RBFOX1: variants seen among roughly 807,000 people sequenced by gnomAD.
The protein encoded by RBFOX1 is RNA binding fox-1 homolog 1.
RBFOX1 carries 8 observed loss-of-function variants against 57.7 expected under a neutral mutation model. The ratio of observed to expected loss-of-function variants is 0.14; its 90% confidence interval spans 0.08 to 0.25. The LOEUF is 0.25. Ranked by LOEUF, RBFOX1 falls within the 10% of genes least tolerant of loss-of-function variation. The pLI is 1.00. For synonymous variants in RBFOX1, 326 were observed against 222.4 expected (o/e 1.47, Z -4.15); for missense variants, 611 against 548.5 (o/e 1.11, Z -1.14).
chr16:5,747,794 C>G (rs374586854), intron 3 of RBFOX1, among the ~76,000 whole-genome samples: 2 of 152,154 alleles, frequency 1.3e-5, no homozygotes, highest in African/African-American at 4.8e-5. Context: ...TGCTAGTGGT[C>G]TATCAATTTT....
At chr16:5,368,380 G>A (rs1239750433) in intron 1 of RBFOX1, among the ~76,000 whole-genome samples, 3 of 152,124 alleles carry the variant, frequency 2.0e-5, no homozygotes, top group Admixed American at 6.5e-5. Flanking sequence ...CTGCAATGTC[G>A]GGGCACCTAA....
chr16:7,312,001 C>G (rs1346870398), intron 4 of RBFOX1, among the ~76,000 whole-genome samples: 3 of 152,166 alleles, frequency 2.0e-5, no homozygotes, highest in African/African-American at 7.2e-5. Context: ...TCATACTGTT[C>G]TTTGTGATAT....
intron 4 of RBFOX1, among the ~76,000 whole-genome samples, chr16:7,096,819 C>G (rs1283009550): frequency 6.7e-6 from 1 of 150,104 alleles, no homozygotes; most frequent in Non-Finnish European, 1.5e-5. Context: ...GTAATCCCAG[C>G]TACGTAGGGG....
At chr16:6,921,807 C>T (rs1460186299) in intron 3 of RBFOX1, among the ~76,000 whole-genome samples, 1 of 151,850 alleles carries the variant, frequency 6.6e-6, no homozygotes, top group African/African-American at 2.4e-5. Context: ...TGAACATAAT[C>T]ACCATGTAAC....
chr16:7,587,094 C>G (rs932042753), intron 6 of RBFOX1, among the ~76,000 whole-genome samples, 153 bp from the exon 7 acceptor site: 1 of 152,112 alleles, frequency 6.6e-6, no homozygotes. Flanking sequence ...GTTTTATTTT[C>G]TCTTGTTTCA....
At chr16:6,862,829 AC>A (rs1250095417) in intron 3 of RBFOX1, among the ~76,000 whole-genome samples, 20 of 152,084 alleles carry the variant, frequency 1.3e-4, no homozygotes, top group Non-Finnish European at 2.6e-4. Context: ...TACTAAAAAT[AC>A]AAAAATTAGC....
intron 3 of RBFOX1, among the ~76,000 whole-genome samples, chr16:7,032,670 C>G (rs376712711): frequency 3.9e-5 from 6 of 152,096 alleles, no homozygotes; most frequent in African/African-American, 2.4e-5. Flanking sequence ...AGACGATAAT[C>G]TCTAATAATT....
At position 6,804,944 on chromosome 16, in the gene RBFOX1, G is replaced by A. The variant is rs114215943; in HGVS notation, c.-16+150294G>A. 3.5e-3 allele frequency among the ~76,000 whole-genome samples: 530 copies of A among 152,254 alleles called. 7 individuals carry two copies. Among genetic ancestry groups the A allele is most frequent in the African/African-American group, 0.012 (489 of 41,556 alleles). On this transcript the variant is annotated intron_variant, in intron 3 of 15. Transcript: ENST00000550418. ...AAAGACTTCTCATATGCTGTTGGTCGGAGTGTAAATTAGTTCATTGTGAAA... is the reference window on the plus strand; with the variant it reads ...AAAGACTTCTCATATGCTGTTGGTCAGAGTGTAAATTAGTTCATTGTGAAA...
At chr16:5,329,389 C>T (rs2151270356) in intron 1 of RBFOX1, among the ~76,000 whole-genome samples, 1 of 152,150 alleles carries the variant, frequency 6.6e-6, no homozygotes, top group Non-Finnish European at 1.5e-5. Flanking sequence ...AGGGACTACC[C>T]ACTTTTAAAT....
chr16:7,160,353 A>G (rs930868856), intron 4 of RBFOX1, among the ~76,000 whole-genome samples: 10 of 152,182 alleles, frequency 6.6e-5, no homozygotes, highest in African/African-American at 2.2e-4. Context: ...TGAAAAAGTA[A>G]ACGAATAAAC....
chr16:6,712,318 T>C (rs947924525), intron 3 of RBFOX1, among the ~76,000 whole-genome samples: 1 of 152,166 alleles, frequency 6.6e-6, no homozygotes, highest in African/African-American at 2.4e-5. Flanking sequence ...GTCTGCCAAA[T>C]ACCCATTTGC....
intron 3 of RBFOX1, among the ~76,000 whole-genome samples, chr16:6,656,623 C>CAT (rs2098654804): frequency 6.6e-6 from 1 of 151,494 alleles, no homozygotes; most frequent in African/African-American, 2.4e-5. Context: ...CACACACACA[C>CAT]ACACACACTT....
chr16:6,656,324 C>G (rs983314489), intron 3 of RBFOX1, among the ~76,000 whole-genome samples: 12 of 152,086 alleles, frequency 7.9e-5, no homozygotes, highest in Non-Finnish European at 1.5e-4. Context: ...AATTTAATTG[C>G]CAATAGTGCT....
chr16:7,056,264 C>A (rs188208321), intron 4 of RBFOX1, among the ~76,000 whole-genome samples: 1 of 152,298 alleles, frequency 6.6e-6, no homozygotes, highest in East Asian at 1.9e-4. Context: ...TTACATCGCT[C>A]GGTTGTTACG....
intron 1 of RBFOX1, among the ~76,000 whole-genome samples, chr16:6,209,864 C>T (rs1198954376): frequency 3.3e-5 from 5 of 152,190 alleles, no homozygotes; most frequent in Non-Finnish European, 7.3e-5. Context: ...AAGGTCTATG[C>T]TCAGTTTCTT....
At chr16:5,666,573 C>G (rs894962384) in intron 3 of RBFOX1, among the ~76,000 whole-genome samples, 1 of 152,152 alleles carries the variant, frequency 6.6e-6, no homozygotes, top group Non-Finnish European at 1.5e-5. Flanking sequence ...AAATACGTAC[C>G]TAAGCCAACA....
At chr16:6,603,591 G>T (rs1482817583) in intron 2 of RBFOX1, among the ~76,000 whole-genome samples, 3 of 152,074 alleles carry the variant, frequency 2.0e-5, no homozygotes, top group Non-Finnish European at 2.9e-5. Context: ...GTAGGCTCTG[G>T]GCATCAGCAC....
Position 6,336,300 on chromosome 16 carries a change from G to A in RBFOX1, c.-64+19243G>A, listed in dbSNP as rs554313393. ...TGCAAGCTCCGCCTCCCAGGTTCACGCCATTCTGCCTCAGCCTCCCGTGTA... is the reference window on the plus strand; with the variant it reads ...TGCAAGCTCCGCCTCCCAGGTTCACACCATTCTGCCTCAGCCTCCCGTGTA... On this transcript the variant is annotated intron_variant, in intron 2 of 15. Coordinates refer to ENST00000550418, the MANE Select transcript of RBFOX1 (RefSeq NM_018723.4). 7.0e-4 allele frequency among the ~76,000 whole-genome samples: 98 copies of A among 140,344 alleles called. 1 individual carries two copies. In the South Asian group the frequency reaches 0.024, roughly 34 times the overall value. 92.1% of individuals were successfully genotyped at this position (140,344 alleles called of 152,430 possible).
chr16:6,354,675 A>C (rs748963669), intron 2 of RBFOX1, among the ~76,000 whole-genome samples: 1 of 151,880 alleles, frequency 6.6e-6, no homozygotes, highest in Non-Finnish European at 1.5e-5. Flanking sequence ...TCCTTCCATC[A>C]CAGAGTTTTT....
Sources: allele counts gnomAD v4.1 joint callset (sites outside exome capture counted in the v4.1 genomes callset), GRCh38; gene constraint gnomAD v4.1.1; transcripts MANE v1.5; gene names NCBI Gene and HGNC (gene_info 2026-07-23, HGNC 2026-07-21).